The following ADORA2B variants were observed in gnomAD, a reference collection of about 807,000 sequenced individuals.
ADORA2B encodes the protein adenosine A2b receptor, also known as adenosine receptor A2b.
Under a neutral mutation model 20.8 loss-of-function variants are expected in ADORA2B, and 18 were observed. That is an observed-to-expected ratio of 0.87 (90% CI 0.60 to 1.29). The LOEUF is 1.29. ADORA2B is among the 50% of genes most tolerant of loss of function. The probability of loss-of-function intolerance (pLI) is 0.00; values close to 1 mark genes in which losing one functional copy is unlikely to be tolerated. For missense variants in ADORA2B, 441 were observed against 422.7 expected, an observed-to-expected ratio of 1.04 and a Z score of -0.38; for synonymous variants, 179 against 178.3, an observed-to-expected ratio of 1.00 and a Z score of -0.03.
At chr17:15,946,198 C>T (rs886287638) in intron 1 of ADORA2B, among the ~76,000 whole-genome samples, 1 of 152,244 alleles carries the variant, frequency 6.6e-6, no homozygotes, top group African/African-American at 2.4e-5. Flanking sequence ...GGGAACGCTA[C>T]GGACTCAGAT....
chr17:15,908,271 T>A, the ADORA2B span, among the ~76,000 whole-genome samples: 6 of 152,312 alleles, frequency 3.9e-5, no homozygotes, highest in Non-Finnish European at 5.9e-5. Context: ...TAAAACTTTT[T>A]AAAATGCTGT....
At chr17:15,900,623 T>A in the ADORA2B span, among the ~76,000 whole-genome samples, 41 of 151,838 alleles carry the variant, frequency 2.7e-4, no homozygotes, top group South Asian at 1.0e-3. Flanking sequence ...ATTAAAAAAA[T>A]TTTTTTTGTA....
At chr17:15,931,948 T>C in the ADORA2B span, among the ~76,000 whole-genome samples, 2 of 152,004 alleles carry the variant, frequency 1.3e-5, no homozygotes, top group Non-Finnish European at 2.9e-5. Context: ...GTCAGGCTAT[T>C]CTCAAACTCC....
chr17:15,947,461 G>A (rs1969822015), intron 1 of ADORA2B, among the ~76,000 whole-genome samples: 1 of 152,246 alleles, frequency 6.6e-6, no homozygotes, highest in African/African-American at 2.4e-5. Flanking sequence ...ATGGGTGTGG[G>A]TGTGTTAAGG....
intron 1 of ADORA2B, among the ~76,000 whole-genome samples, chr17:15,972,935 C>T (rs1970206161): frequency 6.6e-6 from 1 of 152,030 alleles, no homozygotes; most frequent in Non-Finnish European, 1.5e-5. Flanking sequence ...AAGTTTTGTA[C>T]TTTTTTGTAG....
intron 1 of ADORA2B, among the ~76,000 whole-genome samples, chr17:15,957,016 A>G (rs759636120): frequency 6.6e-6 from 1 of 152,214 alleles, no homozygotes; most frequent in Non-Finnish European, 1.5e-5. Flanking sequence ...TTGCATTGTA[A>G]AAGTCACTGG....
chr17:15,880,172 G>A, the ADORA2B span, among the ~76,000 whole-genome samples: 6,899 of 137,348 alleles, frequency 0.05, 1,043 homozygotes, highest in African/African-American at 0.2. Flanking sequence ...CCCTGTGGCC[G>A]CTTGATCTGC....
chr17:15,929,566 C>T, the ADORA2B span, among the ~76,000 whole-genome samples: 3 of 152,192 alleles, frequency 2.0e-5, no homozygotes, highest in Non-Finnish European at 4.4e-5. Flanking sequence ...GCTGCCCACC[C>T]GCATTCACAG....
chr17:15,954,658 T>A (rs1376018791), intron 1 of ADORA2B, among the ~76,000 whole-genome samples: 1 of 152,172 alleles, frequency 6.6e-6, no homozygotes, highest in African/African-American at 2.4e-5. Flanking sequence ...TCCCAGCCCT[T>A]TGGGAGGCTG....
chr17:15,965,371 G>A (rs1418914852), intron 1 of ADORA2B, among the ~76,000 whole-genome samples: 2 of 152,128 alleles, frequency 1.3e-5, no homozygotes, highest in Non-Finnish European at 2.9e-5. Context: ...ATACAGCTGT[G>A]AGTCTGTTCC....
chr17:15,902,978 A>T, the ADORA2B span, among the ~76,000 whole-genome samples: 1 of 152,170 alleles, frequency 6.6e-6, no homozygotes, highest in East Asian at 1.9e-4. Flanking sequence ...CTGGGAGGTG[A>T]TTATATATAT....
the ADORA2B span, among the ~76,000 whole-genome samples, chr17:15,879,798 A>G: frequency 1.3e-5 from 2 of 150,296 alleles, no homozygotes; most frequent in East Asian, 3.9e-4. Context: ...CGGCCTCCCA[A>G]GGTGCTGGGT....
At chr17:15,973,657 GA>G (rs1398484975) in intron 1 of ADORA2B, among the ~76,000 whole-genome samples, 1 of 152,172 alleles carries the variant, frequency 6.6e-6, no homozygotes, top group Non-Finnish European at 1.5e-5. Context: ...CTCCTTATGA[GA>G]ATCTAATGCA....
chr17:15,874,496 T>G, the ADORA2B span, among the ~76,000 whole-genome samples: 1 of 151,432 alleles, frequency 6.6e-6, no homozygotes, highest in Non-Finnish European at 1.5e-5. Context: ...GAAACCAGCC[T>G]GGGCAACATC....
upstream of ADORA2B, among the ~76,000 whole-genome samples, chr17:15,944,318 A>G (rs907032133): frequency 6.6e-6 from 1 of 152,084 alleles, no homozygotes; most frequent in African/African-American, 2.4e-5. This position sits in a 1 kb window ranked among gnomAD's most constrained non-coding sequence, Gnocchi z 4.8. Context: ...GGAGGCTGTT[A>G]GGGCTGAAGC....
At chr17:15,949,358 C>G (rs537596916) in intron 1 of ADORA2B, among the ~76,000 whole-genome samples, 1 of 146,186 alleles carries the variant, frequency 6.8e-6, no homozygotes, top group Admixed American at 6.8e-5. Flanking sequence ...ACTAAAAATA[C>G]AAAAATTGGC....
chr17:15,938,638 G>A, the ADORA2B span, among the ~76,000 whole-genome samples: 1 of 152,170 alleles, frequency 6.6e-6, no homozygotes, highest in Non-Finnish European at 1.5e-5. Context: ...CCCAGTAGGA[G>A]CAATATTGGC....
chr17:15,970,060 C>T (rs1429752598), intron 1 of ADORA2B, among the ~76,000 whole-genome samples: 1 of 152,252 alleles, frequency 6.6e-6, no homozygotes, highest in African/African-American at 2.4e-5. Context: ...CTCCATGTTT[C>T]TCTTCTCAGT....
At chr17:15,922,965 C>T in the ADORA2B span, among the ~76,000 whole-genome samples, 1 of 152,070 alleles carries the variant, frequency 6.6e-6, no homozygotes, top group Non-Finnish European at 1.5e-5. Flanking sequence ...GTTTGTGTTC[C>T]TTTTTCTGTG....
Sources: gnomAD v4.1 joint callset for allele counts (sites outside exome capture counted in the v4.1 genomes callset) on GRCh38, gnomAD v4.1.1 for gene constraint, Gnocchi (gnomAD v3.1) non-coding constraint, MANE v1.5 for transcripts, NCBI Gene and HGNC (gene_info 2026-07-23, HGNC 2026-07-21) for gene names.